The following CD55 variants were observed in gnomAD, a reference collection of about 807,000 sequenced individuals.
CD55 encodes complement decay-accelerating factor.
Under a neutral mutation model 45.8 loss-of-function variants are expected in CD55, and 41 were observed. The ratio of observed to expected loss-of-function variants is 0.90; its 90% CI spans 0.70 to 1.16. CD55 has a LOEUF of 1.16. Ranked by LOEUF, CD55 falls within the 50% of genes most tolerant of loss-of-function variation. The pLI is 0.00. For synonymous variants in CD55, 181 were observed against 181.1 expected, an observed-to-expected ratio of 1.00 and a Z score of 0.01; for missense variants, 416 against 469.8, an observed-to-expected ratio of 0.89 and a Z score of 1.06.
chr1:207,348,835 G>A (rs1655751829), intron 9 of CD55, among the ~76,000 whole-genome samples: 3 of 152,096 alleles, frequency 2.0e-5, no homozygotes, highest in Admixed American at 1.3e-4. Flanking sequence ...ATTCCCCATT[G>A]CTTGTTATTG....
intron 9 of CD55, among the ~76,000 whole-genome samples, chr1:207,343,786 A>G (rs1655523746): frequency 6.6e-6 from 1 of 152,190 alleles, no homozygotes; most frequent in South Asian, 2.1e-4. Flanking sequence ...CAATTATTGT[A>G]TTGGAGTCTA....
chr1:207,347,282 C>T (rs964347942), intron 9 of CD55: 31 of 445,140 alleles, frequency 7.0e-5, no homozygotes, highest in South Asian at 2.4e-4. Flanking sequence ...TTTTTTTAGA[C>T]GGAATCTCGC....
chr1:207,359,422 G>A, intron 9 of CD55, 124 bp from the exon 10 acceptor site: 1 of 961,820 alleles, frequency 1.0e-6, no homozygotes, highest in Non-Finnish European at 1.5e-6. Context: ...TTTTTGTTTT[G>A]CACCCCAAAT....
chr1:207,341,489 G>A (rs1655423209), intron 9 of CD55, among the ~76,000 whole-genome samples: 2 of 151,974 alleles, frequency 1.3e-5, no homozygotes, highest in South Asian at 2.1e-4. Context: ...TATTTTCCCA[G>A]CACTATTTAT....
chr1:207,331,470 T>C (rs1303795650), intron 6 of CD55, among the ~76,000 whole-genome samples, 174 bp downstream of exon 6: 1 of 71,582 alleles, frequency 1.4e-5, no homozygotes, highest in Admixed American at 1.3e-4. Flanking sequence ...GTCTATGGCT[T>C]GTATACACAC....
rs1216881366 is a variant in CD55, at chr1:207,321,697, C to T, written c.-69C>T. The T allele has an allele frequency of 6.6e-6, 8 of 1,211,880 alleles. No individual in the cohort carries two copies. In the East Asian group the frequency reaches 1.4e-4, roughly 21 times the overall value. 75.1% of individuals were successfully genotyped at this position (1,211,880 alleles called of 1,614,324 possible). A position where few individuals can be genotyped will look rare whatever the true frequency, so the allele number is the denominator to read the frequency against. On this transcript the variant is annotated 5_prime_UTR_variant, in exon 1 of 10. Coordinates refer to ENST00000367064, the MANE Select transcript of CD55 (RefSeq NM_000574.5). ...AGGCTTCTGCTTACTGCAACTCGCT[C>T]CGGCCGCTGGGCGTAGCTGCGACTC...
At chr1:207,356,103 A>T (rs1270057555) in intron 9 of CD55, among the ~76,000 whole-genome samples, 1 of 152,184 alleles carries the variant, frequency 6.6e-6, no homozygotes, top group Non-Finnish European at 1.5e-5. Flanking sequence ...TTAATTGCTC[A>T]TGTTTCTATT....
At chr1:207,353,459 A>G (rs150609252) in intron 9 of CD55, among the ~76,000 whole-genome samples, 1 of 152,294 alleles carries the variant, frequency 6.6e-6, no homozygotes, top group East Asian at 1.9e-4. Context: ...GGCATATATT[A>G]CAGACTAGCC....
chr1:207,341,584 G>A (rs1655428644), intron 9 of CD55, among the ~76,000 whole-genome samples: 1 of 152,058 alleles, frequency 6.6e-6, no homozygotes. Context: ...ATTTATTTCT[G>A]GGTTCTCTAT....
At chr1:207,341,948 G>A (rs909694285) in intron 9 of CD55, among the ~76,000 whole-genome samples, 6 of 151,806 alleles carry the variant, frequency 4.0e-5, no homozygotes, top group African/African-American at 1.2e-4. Flanking sequence ...CCTTGTAGGG[G>A]TCTTTCACCT....
intron 9 of CD55, among the ~76,000 whole-genome samples, chr1:207,348,720 T>G (rs1419223706): frequency 2.0e-5 from 3 of 152,240 alleles, no homozygotes; most frequent in Admixed American, 6.5e-5. Context: ...GTTTAATTCT[T>G]TAATCCATAT....
intron 4 of CD55, 69 bp downstream of exon 4, chr1:207,325,790 T>A: frequency 1.1e-6 from 1 of 884,664 alleles, no homozygotes; most frequent in Non-Finnish European, 1.8e-6. Context: ...AAGGTGAGAT[T>A]GTTAGTTTCA....
intron 8 of CD55, 32 bp from the exon 9 acceptor site, chr1:207,339,365 T>C (rs763770853): frequency 6.3e-7 from 1 of 1,589,932 alleles, no homozygotes; most frequent in Non-Finnish European, 8.6e-7. Flanking sequence ...CAAATTTTTG[T>C]TGTTAATCCT....
intron 9 of CD55, among the ~76,000 whole-genome samples, chr1:207,355,706 C>G (rs1465763040): frequency 6.6e-6 from 1 of 152,136 alleles, no homozygotes; most frequent in Non-Finnish European, 1.5e-5. Flanking sequence ...TTCCCATTAA[C>G]CACATATGTT....
chr1:207,357,308 T>C (rs1656114448), intron 9 of CD55, among the ~76,000 whole-genome samples: 2 of 152,036 alleles, frequency 1.3e-5, no homozygotes, highest in Non-Finnish European at 2.9e-5. Flanking sequence ...GTTTTAGGAA[T>C]GTGATTTAGA....
intron 9 of CD55, among the ~76,000 whole-genome samples, chr1:207,352,332 A>G (rs1173799876): frequency 1.3e-5 from 2 of 152,086 alleles, no homozygotes; most frequent in African/African-American, 4.8e-5. Flanking sequence ...TCCACCACAC[A>G]TATACTGTAA....
intron 3 of CD55, 42 bp from the exon 4 acceptor site, chr1:207,325,579 CT>C: frequency 1.6e-6 from 2 of 1,242,500 alleles, no homozygotes; most frequent in Non-Finnish European, 2.3e-6. Flanking sequence ...GTGTGTATGC[CT>C]GATAATTTAA....
chr1:207,326,981 A>T (rs1654716561), intron 5 of CD55, 144 bp downstream of exon 5: 1 of 510,912 alleles, frequency 2.0e-6, no homozygotes. Context: ...TAATTTTAAG[A>T]CCTTTTCTAG....
chr1:207,322,595 T>G (rs1217489113), intron 2 of CD55, 28 bp downstream of exon 2: 1 of 1,553,748 alleles, frequency 6.4e-7, no homozygotes, highest in Non-Finnish European at 8.8e-7. Flanking sequence ...TTAGAAAAGT[T>G]CTGGGAATGG....
Sources: gnomAD v4.1 joint callset for allele counts (sites outside exome capture counted in the v4.1 genomes callset) on GRCh38, gnomAD v4.1.1 for gene constraint, MANE v1.5 for transcripts, NCBI Gene and HGNC (gene_info 2026-07-23, HGNC 2026-07-21) for gene names.